The following TARS3 variants were observed in gnomAD, a reference collection of about 807,000 sequenced individuals.
The protein encoded by TARS3 is threonine--tRNA ligase 2, cytoplasmic.
Under a neutral mutation model 103.5 loss-of-function variants are expected in TARS3, and 94 were observed. The ratio of observed to expected loss-of-function variants is 0.91; its 90% CI spans 0.77 to 1.08. The LOEUF (loss-of-function observed/expected upper bound fraction) is 1.08. Ranked by LOEUF, TARS3 falls within the 50% of genes least tolerant of loss-of-function variation. The pLI, the probability that TARS3 is intolerant of heterozygous loss-of-function variation, is 0.00. For synonymous variants in TARS3, 416 were observed against 355.4 expected (o/e 1.17, Z -1.92); for missense variants, 952 against 995.2 (o/e 0.96, Z 0.58).
chr15:101,659,945 G>C (rs1897316163), intron 16 of TARS3, among the ~76,000 whole-genome samples: 1 of 152,132 alleles, frequency 6.6e-6, no homozygotes, highest in Non-Finnish European at 1.5e-5. Flanking sequence ...TCAAAAATTT[G>C]CTTCCCCAGT....
At chr15:101,701,332 G>C (rs930935026) in intron 9 of TARS3, 148 bp from the exon 10 acceptor site, 2 of 481,138 alleles carry the variant, frequency 4.2e-6, no homozygotes, top group African/African-American at 4.0e-5. Context: ...GCATGCAACA[G>C]CATATGTAAA....
chr15:101,714,669 T>C (rs1056894006), intron 4 of TARS3, 171 bp downstream of exon 4: 2 of 393,616 alleles, frequency 5.1e-6, no homozygotes, highest in Admixed American at 4.6e-5. Context: ...AACTGACATG[T>C]ATTTGTATAC....
chr15:101,674,348 T>A lies in TARS3; in HGVS notation c.1788+1252A>T, dbSNP rs28671108. 5.7e-3 allele frequency among the ~76,000 whole-genome samples: 867 copies of A among 152,252 alleles called. 5 individuals carry two copies. Among genetic ancestry groups the A allele is most frequent in the African/African-American group, 0.02 (822 of 41,556 alleles). On this transcript the variant is annotated intron_variant, in intron 13 of 18. Transcript: ENST00000335968. ...CCTTTAAGTGAAAAGGTGAAAGTTA[T>A]CCATTTAACAAGGAAAAAAGACTCC...
chr15:101,722,142 A>G (rs1205175412), intron 2 of TARS3, among the ~76,000 whole-genome samples: 1 of 151,810 alleles, frequency 6.6e-6, no homozygotes, highest in East Asian at 1.9e-4. Flanking sequence ...CTCTCTGCCT[A>G]TCTAACTTCT....
chr15:101,682,248 G>A (rs8033553), intron 12 of TARS3, among the ~76,000 whole-genome samples: 45,140 of 152,064 alleles, frequency 0.3, 7,501 homozygotes, highest in East Asian at 0.69. Flanking sequence ...TTAAGTATGA[G>A]GTTAGCTGTA....
intron 10 of TARS3, among the ~76,000 whole-genome samples, chr15:101,692,779 C>G (rs914803684): frequency 1.3e-5 from 2 of 152,224 alleles, no homozygotes; most frequent in Non-Finnish European, 1.5e-5. Context: ...AGGCCCATAT[C>G]TCCATAAATA....
At chr15:101,691,765 G>C (rs1406516021) in intron 10 of TARS3, among the ~76,000 whole-genome samples, 2 of 152,068 alleles carry the variant, frequency 1.3e-5, no homozygotes, top group Non-Finnish European at 2.9e-5. Flanking sequence ...TTCTGTATTA[G>C]ATCTCTGGCC....
intron 4 of TARS3, among the ~76,000 whole-genome samples, chr15:101,713,420 C>A (rs920768168): frequency 2.6e-5 from 4 of 152,188 alleles, no homozygotes; most frequent in Non-Finnish European, 5.9e-5. Flanking sequence ...ATTAAATTTA[C>A]ATTTACACAC....
chr15:101,675,489 C>T, intron 13 of TARS3, 111 bp downstream of exon 13: 3 of 1,058,142 alleles, frequency 2.8e-6, no homozygotes, highest in Non-Finnish European at 4.1e-6. Context: ...TCATAATTTC[C>T]AGGTTCAAAA....
chr15:101,665,213 C>T (rs992191098), intron 15 of TARS3, among the ~76,000 whole-genome samples: 1 of 152,150 alleles, frequency 6.6e-6, no homozygotes, highest in African/African-American at 2.4e-5. Flanking sequence ...AAACCAATAA[C>T]TTACAGATTC....
chr15:101,696,262 T>C (rs140721717), intron 10 of TARS3, among the ~76,000 whole-genome samples: 3 of 150,462 alleles, frequency 2.0e-5, no homozygotes, highest in Admixed American at 2.0e-4. Context: ...CGTTTATCTT[T>C]ACAGGAAATG....
chr15:101,685,088 T>A (rs1349628879), intron 11 of TARS3, among the ~76,000 whole-genome samples: 1 of 152,206 alleles, frequency 6.6e-6, no homozygotes, highest in East Asian at 1.9e-4. Flanking sequence ...ATCATAAAGT[T>A]AAATTTCTTC....
At chr15:101,699,731 T>C (rs1176497401) in intron 10 of TARS3, among the ~76,000 whole-genome samples, 1 of 152,140 alleles carries the variant, frequency 6.6e-6, no homozygotes, top group Non-Finnish European at 1.5e-5. Flanking sequence ...AATACAGACA[T>C]GTCAGCCTCC....
chr15:101,706,892 GC>G (rs1899593404), intron 6 of TARS3, among the ~76,000 whole-genome samples: 1 of 152,048 alleles, frequency 6.6e-6, no homozygotes, highest in African/African-American at 2.4e-5. Context: ...TGCAAAAAAG[GC>G]AACCCACAGA....
chr15:101,721,828 A>G (rs1175853466), intron 2 of TARS3, among the ~76,000 whole-genome samples: 2 of 152,204 alleles, frequency 1.3e-5, no homozygotes. Context: ...TGAAAGTCAT[A>G]TGCATTCAGT....
At chr15:101,722,280 T>C (rs1459640141) in intron 2 of TARS3, among the ~76,000 whole-genome samples, 1 of 150,980 alleles carries the variant, frequency 6.6e-6, no homozygotes. Context: ...CTCCCTTTTC[T>C]ACTGTTTACA....
At chr15:101,656,300 A>G (rs1230222632) in intron 18 of TARS3, among the ~76,000 whole-genome samples, 1 of 152,218 alleles carries the variant, frequency 6.6e-6, no homozygotes, top group Non-Finnish European at 1.5e-5. Flanking sequence ...TATCATTGAA[A>G]CACTGTCAAT....
chr15:101,680,208 T>TA (rs1898204532), intron 12 of TARS3, among the ~76,000 whole-genome samples: 1 of 152,222 alleles, frequency 6.6e-6, no homozygotes, highest in Non-Finnish European at 1.5e-5. Context: ...TGCTGAGAGT[T>TA]AAAATATAAG....
Position 101,703,838 on chromosome 15 carries a change from TA to T in TARS3, c.1074+20del, listed in dbSNP as rs749467532. The T allele has an allele frequency of 2.7e-4, 413 of 1,515,982 alleles. No homozygotes were observed. Among genetic ancestry groups the T allele is most frequent in the Middle Eastern group, 3.4e-4 (2 of 5,836 alleles). 93.9% of individuals were successfully genotyped at this position (1,515,982 alleles called of 1,614,324 possible). On this transcript the variant is annotated intron_variant, in intron 8 of 18. Coordinates refer to ENST00000335968, the MANE Select transcript of TARS3 (RefSeq NM_152334.3). ...CTAGTGCACCTTAAGTTTACTGTAT[TA>T]AAAAAAAATCAATCCTTACCTTAAA...
Sources: gnomAD v4.1 joint callset for allele counts (sites outside exome capture counted in the v4.1 genomes callset) on GRCh38, gnomAD v4.1.1 for gene constraint, MANE v1.5 for transcripts, NCBI Gene and HGNC (gene_info 2026-07-23, HGNC 2026-07-21) for gene names.